The following STK32B variants were observed in gnomAD, a reference collection of about 807,000 sequenced individuals.
STK32B encodes the protein serine/threonine-protein kinase 32B.
In STK32B, 43 loss-of-function variants were observed where a neutral mutation model predicts 52.6. That is an observed-to-expected ratio of 0.82 (90% CI 0.64 to 1.05). The LOEUF (loss-of-function observed/expected upper bound fraction) is 1.05. STK32B is among the 50% of genes least tolerant of loss of function. STK32B has a pLI of 0.00. For missense variants in STK32B, 621 were observed against 534.6 expected (o/e 1.16, Z -1.59); for synonymous variants, 238 against 204.3 (o/e 1.17, Z -1.41).
chr4:5,034,938 G>A, the STK32B span, among the ~76,000 whole-genome samples: 2 of 152,256 alleles, frequency 1.3e-5, no homozygotes, highest in Admixed American at 6.5e-5. Flanking sequence ...GGCCATCAAC[G>A]ACTTCCTTTG....
At chr4:5,154,977 T>A (rs1206779198) in intron 2 of STK32B, among the ~76,000 whole-genome samples, 1 of 152,026 alleles carries the variant, frequency 6.6e-6, no homozygotes. Flanking sequence ...CACAAGGTCA[T>A]GCAGTCTGGC....
At chr4:5,458,261 C>T (rs903308067) in intron 8 of STK32B, among the ~76,000 whole-genome samples, 3 of 152,182 alleles carry the variant, frequency 2.0e-5, no homozygotes, top group Admixed American at 6.5e-5. Flanking sequence ...ACATCCTCCA[C>T]GATGCATGGA....
At chr4:5,286,227 A>G (rs1728531049) in intron 3 of STK32B, among the ~76,000 whole-genome samples, 2 of 152,232 alleles carry the variant, frequency 1.3e-5, no homozygotes, top group African/African-American at 4.8e-5. Flanking sequence ...TCAAAACTAC[A>G]TTAAAAACCA....
intron 6 of STK32B, among the ~76,000 whole-genome samples, chr4:5,433,762 T>C (rs1180780226): frequency 6.6e-6 from 1 of 152,198 alleles, no homozygotes; most frequent in Non-Finnish European, 1.5e-5. Context: ...TTCAGCAATA[T>C]TCACAGAGCT....
the STK32B span, among the ~76,000 whole-genome samples, chr4:5,028,952 G>C: frequency 3.2e-3 from 494 of 152,306 alleles, 4 homozygotes; most frequent in African/African-American, 0.011. Context: ...GGAGCACATC[G>C]CATGGCCGGA....
intron 3 of STK32B, among the ~76,000 whole-genome samples, chr4:5,292,845 A>T (rs1160474028): frequency 6.6e-6 from 1 of 151,864 alleles, no homozygotes; most frequent in Non-Finnish European, 1.5e-5. Context: ...ACATAGATAT[A>T]CATGTGCCAT....
At chr4:5,113,031 G>T (rs975492644) in intron 1 of STK32B, among the ~76,000 whole-genome samples, 2 of 152,152 alleles carry the variant, frequency 1.3e-5, no homozygotes, top group Non-Finnish European at 2.9e-5. Flanking sequence ...AGATGAGATG[G>T]AGCCTCTGTC....
At chr4:5,174,815 A>G (rs1339848854) in intron 3 of STK32B, among the ~76,000 whole-genome samples, 1 of 151,950 alleles carries the variant, frequency 6.6e-6, no homozygotes, top group Non-Finnish European at 1.5e-5. Context: ...TCTTTTTGGC[A>G]TTCTCTGTGT....
At chr4:5,019,496 G>T in the STK32B span, 1 of 1,420,322 alleles carries the variant, frequency 7.0e-7, no homozygotes. Flanking sequence ...TGCAGGCTGG[G>T]GGTGGTCCAG....
chr4:5,150,875 G>C (rs1717308452), intron 2 of STK32B, among the ~76,000 whole-genome samples: 1 of 152,116 alleles, frequency 6.6e-6, no homozygotes, highest in Non-Finnish European at 1.5e-5. Flanking sequence ...TTAATGTTGA[G>C]ATTTTATGGC....
chr4:5,068,969 T>C (rs1389017693), intron 1 of STK32B, among the ~76,000 whole-genome samples: 1 of 152,182 alleles, frequency 6.6e-6, no homozygotes, highest in African/African-American at 2.4e-5. Flanking sequence ...GTATATAGTA[T>C]GTTATTATTA....
intron 1 of STK32B, among the ~76,000 whole-genome samples, chr4:5,128,239 T>G (rs563762599): frequency 1.1e-4 from 16 of 152,362 alleles, no homozygotes; most frequent in African/African-American, 3.8e-4. Context: ...TCTGTTGTTT[T>G]AAGCCATGTA....
intron 3 of STK32B, among the ~76,000 whole-genome samples, chr4:5,324,324 A>G (rs1175470840): frequency 6.6e-6 from 1 of 152,198 alleles, no homozygotes; most frequent in Non-Finnish European, 1.5e-5. Context: ...ACTGCACCCC[A>G]GCCTGGGCAA....
intron 1 of STK32B, among the ~76,000 whole-genome samples, chr4:5,068,833 A>G (rs953992056): frequency 6.6e-6 from 1 of 152,214 alleles, no homozygotes; most frequent in African/African-American, 2.4e-5. Context: ...GACGGATGCA[A>G]AACAATGATA....
At chr4:5,022,259 C>T in the STK32B span, among the ~76,000 whole-genome samples, 5 of 152,166 alleles carry the variant, frequency 3.3e-5, no homozygotes, top group Admixed American at 1.3e-4. Context: ...GCACCCAGCA[C>T]GCAGCCAGGT....
chr4:5,219,459 T>C (rs1170363054), intron 3 of STK32B, among the ~76,000 whole-genome samples: 8 of 152,270 alleles, frequency 5.3e-5, no homozygotes, highest in Admixed American at 5.2e-4. Context: ...TTGTTGTGTT[T>C]TGCATGTTAC....
At chr4:5,322,764 G>T (rs6853800) in intron 3 of STK32B, among the ~76,000 whole-genome samples, 5 of 152,118 alleles carry the variant, frequency 3.3e-5, no homozygotes, top group Admixed American at 6.5e-5. Flanking sequence ...CCTGGGCAAG[G>T]TGAGATGGAG....
intron 1 of STK32B, among the ~76,000 whole-genome samples, chr4:5,124,144 C>T (rs1715222909): frequency 6.6e-6 from 1 of 152,154 alleles, no homozygotes; most frequent in Non-Finnish European, 1.5e-5. Flanking sequence ...GCCAGGGGAA[C>T]TATCACAAAC....
intron 3 of STK32B, among the ~76,000 whole-genome samples, chr4:5,290,848 A>G (rs1237269173): frequency 6.6e-6 from 1 of 152,158 alleles, no homozygotes; most frequent in Non-Finnish European, 1.5e-5. Context: ...CAACACAATT[A>G]TTTTTAAAAT....
Sources: allele counts gnomAD v4.1 joint callset (sites outside exome capture counted in the v4.1 genomes callset), GRCh38; gene constraint gnomAD v4.1.1; transcripts MANE v1.5; gene names NCBI Gene and HGNC (gene_info 2026-07-23, HGNC 2026-07-21).